Variants in ADAMTS14 observed in about 807,000 individuals in gnomAD.
ADAMTS14 encodes the protein ADAM metallopeptidase with thrombospondin type 1 motif 14.
Under a neutral mutation model 128.6 loss-of-function variants are expected in ADAMTS14, and 100 were observed. The ratio of observed to expected loss-of-function variants is 0.78; its 90% CI spans 0.66 to 0.92. The LOEUF (loss-of-function observed/expected upper bound fraction) is 0.92. ADAMTS14 is among the 40% of genes least tolerant of loss of function. The probability of loss-of-function intolerance (pLI) is 0.00; values close to 1 mark genes in which losing one functional copy is unlikely to be tolerated. For synonymous variants in ADAMTS14, 665 were observed against 653.8 expected (o/e 1.02, Z -0.26); for missense variants, 1,562 against 1,658.6 (o/e 0.94, Z 1.01).
At chr10:70,700,206 A>G (rs1840452982) in intron 2 of ADAMTS14, among the ~76,000 whole-genome samples, 1 of 151,938 alleles carries the variant, frequency 6.6e-6, no homozygotes, top group South Asian at 2.1e-4. Flanking sequence ...GGATTTGGCC[A>G]CCACTTTTTG....
At chr10:70,753,634 T>C (rs1350567663) in intron 18 of ADAMTS14, among the ~76,000 whole-genome samples, 166 bp from the exon 19 acceptor site, 1 of 152,204 alleles carries the variant, frequency 6.6e-6, no homozygotes, top group African/African-American at 2.4e-5. Flanking sequence ...TGAGGTCACA[T>C]ACCCAGTAGC....
intron 17 of ADAMTS14, 93 bp from the exon 18 acceptor site, chr10:70,751,985 GGAGGTGGGATTGGCCCA>G: frequency 6.8e-7 from 1 of 1,461,524 alleles, no homozygotes; most frequent in Non-Finnish European, 9.2e-7. Context: ...ATAGGCAGAG[GGAGGTGGGATTGGCCCA>G]CAAGGCTCTC....
rs117467557 is a variant in ADAMTS14, at chr10:70,735,165, G to A, written c.1353-4G>A. On this transcript the variant is annotated splice_region_variant and splice_polypyrimidine_tract_variant and intron_variant, in intron 8 of 21. Coordinates refer to ENST00000373207, the MANE Select transcript of ADAMTS14 (RefSeq NM_080722.4). ...TGGCTCACCTTCCTTGTCTCTACTG[G>A]CAGCTCCTACGACTGCCTCCTCGAT... 2.3e-4 allele frequency: 367 copies of A among 1,610,828 alleles called. No homozygotes were observed. The East Asian group carries it at 7.1e-3, about 31-fold the overall frequency.
chr10:70,685,669 G>T (rs138168304), intron 2 of ADAMTS14, among the ~76,000 whole-genome samples: 1 of 152,198 alleles, frequency 6.6e-6, no homozygotes, highest in Non-Finnish European at 1.5e-5. Flanking sequence ...TGTTCCTCTC[G>T]CAGTTCCAGG....
At chr10:70,747,024 A>ACATAT (rs1424808575) in intron 15 of ADAMTS14, among the ~76,000 whole-genome samples, 1 of 152,098 alleles carries the variant, frequency 6.6e-6, no homozygotes, top group African/African-American at 2.4e-5. Flanking sequence ...AAAACAAAAC[A>ACATAT]CATATCTCTT....
Position 70,704,521 on chromosome 10 carries a change from A to G in ADAMTS14, c.679+2053A>G, listed in dbSNP as rs538791745. On this transcript the variant is annotated intron_variant, in intron 3 of 21. Coordinates refer to ENST00000373207, the MANE Select transcript of ADAMTS14 (RefSeq NM_080722.4). ...AACACACGCTCACAAACACACACCC[A>G]TACACCCACACTCACACATAGACAC... Among the ~76,000 whole-genome samples, 286 of 147,098 alleles carry G rather than the reference A, an allele frequency of 1.9e-3. 1 individual carries two copies. The highest frequency in any genetic ancestry group is 3.6e-3 in the Non-Finnish European group (237 of 66,682).
At chr10:70,721,705 T>C (rs370636919) in intron 4 of ADAMTS14, among the ~76,000 whole-genome samples, 8 of 152,020 alleles carry the variant, frequency 5.3e-5, no homozygotes, top group African/African-American at 1.7e-4. Flanking sequence ...GTTACTCTTG[T>C]ACACACACAG....
chr10:70,759,689 T>G (rs1453031241), intron 21 of ADAMTS14, among the ~76,000 whole-genome samples: 1 of 152,198 alleles, frequency 6.6e-6, no homozygotes, highest in African/African-American at 2.4e-5. Flanking sequence ...AGTAGCAGTC[T>G]TAATGTCCCG....
chr10:70,741,334 T>A (rs1362905931), intron 12 of ADAMTS14, among the ~76,000 whole-genome samples, 172 bp downstream of exon 12: 1 of 152,244 alleles, frequency 6.6e-6, no homozygotes, highest in East Asian at 1.9e-4. Context: ...TTTGTAGGCC[T>A]GTTCTTGGTA....
chr10:70,676,648 G>T (rs1392628502), intron 2 of ADAMTS14, among the ~76,000 whole-genome samples: 1 of 152,220 alleles, frequency 6.6e-6, no homozygotes, highest in Non-Finnish European at 1.5e-5. Flanking sequence ...GCAGCTGGGG[G>T]AGCCTAAGGC....
At chr10:70,751,745 T>C (rs1276003029) in intron 17 of ADAMTS14, 99 bp downstream of exon 17, 7 of 1,446,206 alleles carry the variant, frequency 4.8e-6, no homozygotes, top group Non-Finnish European at 6.6e-6. Flanking sequence ...TGATGTGTCC[T>C]TGCTTATGAC....
intron 19 of ADAMTS14, among the ~76,000 whole-genome samples, chr10:70,756,962 A>G (rs1842490744): frequency 6.6e-6 from 1 of 151,888 alleles, no homozygotes. Flanking sequence ...GCTGTTTGTA[A>G]TGATTCATCC....
chr10:70,707,242 A>G (rs971893980), intron 3 of ADAMTS14, among the ~76,000 whole-genome samples: 1 of 152,150 alleles, frequency 6.6e-6, no homozygotes, highest in Non-Finnish European at 1.5e-5. Context: ...CCGTCCATCC[A>G]TTGACTAGTA....
In ADAMTS14 at chr10:70,745,250, C is replaced by T; in HGVS notation, c.2207C>T (p.Pro736Leu). 1 of 1,612,502 alleles carries T rather than the reference C, an allele frequency of 6.2e-7. No homozygotes were observed. Among genetic ancestry groups the T allele is most frequent in the South Asian group, 1.1e-5 (1 of 91,004 alleles). Residue 736 changes from proline to leucine, a missense_variant, in exon 15 of 22, where the codon CCA becomes CTA. Physicochemically the swap from Pro to Leu is moderately conservative, Grantham distance 98 (BLOSUM62 -3). Transcript: ENST00000373207. The part of the protein sequence containing the change: ...QAGALKLVQI[P>L]AGARHIQIEA... ...GGAGCTCTCAAGCTGGTGCAGATCC[C>T]AGCAGGTGCCAGGCACATCCAGATT...
chr10:70,690,561 T>C lies in ADAMTS14; in HGVS notation c.523-11751T>C, dbSNP rs981767201. On this transcript the variant is annotated intron_variant, in intron 2 of 21. Transcript: ENST00000373207. ...ACTACAGACCTGGCTATGCATCAGA[T>C]GCAGTGATAAACATTTATGTGCGTG... Among the ~76,000 whole-genome samples, 6 of 145,240 alleles carry C rather than the reference T, an allele frequency of 4.1e-5. 1 individual carries two copies. Among genetic ancestry groups the C allele is most frequent in the African/African-American group, 1.5e-4 (6 of 40,984 alleles).
At chr10:70,739,973 G>A (rs1281519186) in intron 11 of ADAMTS14, among the ~76,000 whole-genome samples, 1 of 152,204 alleles carries the variant, frequency 6.6e-6, no homozygotes, top group Non-Finnish European at 1.5e-5. Flanking sequence ...TTATAGAAAA[G>A]CCCAGGGGTC....
At chr10:70,732,497 G>A in intron 7 of ADAMTS14, 138 bp downstream of exon 7, 2 of 726,708 alleles carry the variant, frequency 2.8e-6, no homozygotes, top group South Asian at 3.6e-5. Flanking sequence ...GACTGCCACT[G>A]CGGCATGGCC....
chr10:70,753,701 C>A, intron 18 of ADAMTS14, 99 bp from the exon 19 acceptor site: 1 of 1,310,832 alleles, frequency 7.6e-7, no homozygotes, highest in Non-Finnish European at 1.0e-6. Flanking sequence ...CCCAAACCCA[C>A]TCTCTGGCTC....
At chr10:70,697,426 G>A (rs1840362076) in intron 2 of ADAMTS14, among the ~76,000 whole-genome samples, 1 of 152,228 alleles carries the variant, frequency 6.6e-6, no homozygotes, top group Non-Finnish European at 1.5e-5. Flanking sequence ...ACCTGCCCAT[G>A]TCTGACATGT....
Sources: allele counts gnomAD v4.1 joint callset (sites outside exome capture counted in the v4.1 genomes callset), GRCh38; gene constraint gnomAD v4.1.1; transcripts MANE v1.5; gene names NCBI Gene and HGNC (gene_info 2026-07-23, HGNC 2026-07-21).